RALGAPA2: variants seen among roughly 807,000 people sequenced by gnomAD.
RALGAPA2 encodes Ral GTPase activating protein catalytic subunit alpha 2.
A neutral mutation model predicts 230.4 loss-of-function variants in RALGAPA2; 139 were observed. The ratio of observed to expected loss-of-function variants is 0.60; its 90% CI spans 0.53 to 0.69. The LOEUF (loss-of-function observed/expected upper bound fraction) is 0.69, where lower values mean the gene tolerates loss of function less well. Ranked by LOEUF, RALGAPA2 falls within the 30% of genes least tolerant of loss-of-function variation. The pLI is 0.00. For missense variants in RALGAPA2, 2,163 were observed against 2,276.0 expected, an observed-to-expected ratio of 0.95 and a Z score of 1.01; for synonymous variants, 847 against 837.8, an observed-to-expected ratio of 1.01 and a Z score of -0.19.
At position 20,629,523 on chromosome 20, in the gene RALGAPA2, T is replaced by A. The variant is rs761272247; in HGVS notation, c.1073A>T (p.Asp358Val). The A allele has an allele frequency of 6.2e-7, 1 of 1,613,964 alleles. No homozygotes were observed. Among genetic ancestry groups the A allele is most frequent in the South Asian group, 1.1e-5 (1 of 91,078 alleles). The change falls in exon 10 of 40, where the codon GAC becomes GTC. Residue 358 changes from aspartate to valine, a missense_variant. Transcript: ENST00000202677. ...ELDGGGPTEQ[D>V]KSHSNSSTLS... is the part of the protein sequence containing the mutation. Reference sequence around the variant, plus strand: ...GGTGCTGCTGTTAGAATGGCTTTTGTCCTGCTCCGTGGGCCCACCACCATC... The same window carrying A: ...GGTGCTGCTGTTAGAATGGCTTTTGACCTGCTCCGTGGGCCCACCACCATC...
At chr20:20,600,862 G>C (rs1394042693) in intron 16 of RALGAPA2, among the ~76,000 whole-genome samples, 3 of 152,222 alleles carry the variant, frequency 2.0e-5, no homozygotes, top group Non-Finnish European at 4.4e-5. Context: ...AGCATTTTGG[G>C]AGGCCGAGGC....
chr20:20,559,101 T>A (rs2064176343), intron 23 of RALGAPA2, among the ~76,000 whole-genome samples: 1 of 152,248 alleles, frequency 6.6e-6, no homozygotes, highest in Non-Finnish European at 1.5e-5. Flanking sequence ...TCCATTCTTT[T>A]CATTCTAAGA....
chr20:20,424,334 G>A lies in RALGAPA2; in HGVS notation c.5496-12186C>T, dbSNP rs374679128. Among the ~76,000 whole-genome samples, 147 of 152,224 alleles carry A rather than the reference G, an allele frequency of 9.7e-4. 5 individuals are homozygous for A. The South Asian group carries it at 0.029, about 30-fold the overall frequency. On this transcript the variant is annotated intron_variant, in intron 37 of 39. Transcript: ENST00000202677. ...AAAAATGTAAGTGACAAGAAAATTC[G>A]TCATTCAGCCTATTTCAAGTCTAGA...
chr20:20,407,941 A>G (rs1156829823), intron 38 of RALGAPA2, among the ~76,000 whole-genome samples: 1 of 152,220 alleles, frequency 6.6e-6, no homozygotes, highest in Non-Finnish European at 1.5e-5. Context: ...GATGAAGCAT[A>G]GTGAGGAATT....
intron 24 of RALGAPA2, among the ~76,000 whole-genome samples, chr20:20,543,959 A>C (rs929366541): frequency 3.3e-5 from 5 of 151,870 alleles, no homozygotes; most frequent in East Asian, 1.9e-4. Flanking sequence ...AAACAAACAA[A>C]CAACCCCATA....
chr20:20,619,280 C>A lies in RALGAPA2; in HGVS notation c.1536G>T (p.Leu512Phe). ...TNVKAGVQAL[L>F]QVFLTNSANI... ...CATGTCCTGGCCAGCCACATACCTGCAACAAAGCCTGGACGCCGGCTTTCA... is the reference window on the plus strand; with the variant it reads ...CATGTCCTGGCCAGCCACATACCTGAAACAAAGCCTGGACGCCGGCTTTCA... Residue 512 changes from leucine (L) to phenylalanine (F), a missense_variant, in exon 12 of 40, where the codon TTG becomes TTT. Leu to Phe is a conservative substitution (Grantham distance 22). Coordinates refer to ENST00000202677, the MANE Select transcript of RALGAPA2 (RefSeq NM_020343.4). 1 of 1,598,188 alleles carries A rather than the reference C, an allele frequency of 6.3e-7. No individual in the cohort carries two copies. Among genetic ancestry groups the A allele is most frequent in the Non-Finnish European group, 8.5e-7 (1 of 1,170,232 alleles).
intron 35 of RALGAPA2, among the ~76,000 whole-genome samples, chr20:20,496,828 T>G (rs2062219095): frequency 6.6e-6 from 1 of 152,240 alleles, no homozygotes; most frequent in South Asian, 2.1e-4. Flanking sequence ...AATGCCTGTT[T>G]ATTCTTCACT....
chr20:20,652,431 G>A lies in RALGAPA2; in HGVS notation c.328+1099C>T, dbSNP rs188934663. On this transcript the variant is annotated intron_variant, in intron 4 of 39. Transcript: ENST00000202677. ...CTTCTTTCATAGAGACAATTTTGCTGTAATTATTTTTCTCATCTATCCCCT... is the reference window on the plus strand; with the variant it reads ...CTTCTTTCATAGAGACAATTTTGCTATAATTATTTTTCTCATCTATCCCCT... Among the ~76,000 whole-genome samples the A allele has an allele frequency of 2.1e-3, 324 of 152,116 alleles. 2 individuals carry two copies. The highest frequency in any genetic ancestry group is 3.3e-3 in the Non-Finnish European group (224 of 68,028).
intron 9 of RALGAPA2, among the ~76,000 whole-genome samples, chr20:20,630,141 A>C (rs2066623120): frequency 6.6e-6 from 1 of 152,216 alleles, no homozygotes; most frequent in South Asian, 2.1e-4. Flanking sequence ...AACATAAATA[A>C]ATATTCACAA....
intron 15 of RALGAPA2, 24 bp from the exon 16 acceptor site, chr20:20,601,870 T>C (rs1568634218): frequency 1.9e-6 from 3 of 1,564,046 alleles, no homozygotes; most frequent in African/African-American, 2.7e-5. Flanking sequence ...AGAAAAATAA[T>C]CTAAAGGCTG....
At chr20:20,588,364 C>T (rs192603644) in intron 18 of RALGAPA2, among the ~76,000 whole-genome samples, 74 of 152,196 alleles carry the variant, frequency 4.9e-4, no homozygotes, top group African/African-American at 1.5e-3. Flanking sequence ...AACAAAGCAA[C>T]AATACTTTAT....
chr20:20,620,475 A>C lies in RALGAPA2; in HGVS notation c.1389T>G (p.Thr463=). The C allele has an allele frequency of 6.2e-7, 1 of 1,613,344 alleles. No individual in the cohort carries two copies. The highest frequency in any genetic ancestry group is 8.5e-7 in the Non-Finnish European group (1 of 1,179,692). The change falls in exon 11 of 40, where the codon ACT becomes ACG. Residue 463 remains threonine, a synonymous_variant. Coordinates refer to ENST00000202677, the MANE Select transcript of RALGAPA2 (RefSeq NM_020343.4). ...TGAAAAAAATTACCTCCTTGCTATC[A>C]GTCTCGGAAAATCCTAATTTTTCAG... ...EDAEKLGFSE[T]DSKEASSESS... is the part of the protein sequence containing the mutation.
intron 36 of RALGAPA2, among the ~76,000 whole-genome samples, chr20:20,475,797 G>C (rs1361018124): frequency 6.6e-6 from 1 of 152,018 alleles, no homozygotes; most frequent in Non-Finnish European, 1.5e-5. Context: ...GGAACATAAA[G>C]GTTAGAAAGA....
intron 31 of RALGAPA2, among the ~76,000 whole-genome samples, chr20:20,520,402 C>T (rs371565872): frequency 5.3e-4 from 80 of 152,304 alleles, no homozygotes; most frequent in African/African-American, 1.8e-3. Flanking sequence ...CTGACAATCC[C>T]TATATGCTCT....
intron 37 of RALGAPA2, among the ~76,000 whole-genome samples, chr20:20,466,102 C>T (rs566595139): frequency 6.6e-6 from 1 of 152,318 alleles, no homozygotes; most frequent in South Asian, 2.1e-4. Context: ...GGCACCAGGC[C>T]TCAGCACTGG....
rs767720640 is a variant in RALGAPA2, at chr20:20,512,743, T to C, written c.4626A>G (p.Leu1542=). 6.2e-7 allele frequency: 1 copy of C among 1,613,944 alleles called. No homozygotes were observed. The highest frequency in any genetic ancestry group is 1.1e-5 in the South Asian group (1 of 91,082). Reference sequence around the variant, plus strand: ...CACATGGGGTTAGGGAAGGTTCATTTAGATTTAGCTGTGACGGTAAAAGGC... The same window carrying C: ...CACATGGGGTTAGGGAAGGTTCATTCAGATTTAGCTGTGACGGTAAAAGGC... The part of the protein sequence containing the change: ...PECLLPSQLN[L]NEPSLTPCGM... Residue 1542 remains leucine (L), a synonymous_variant, in exon 32 of 40, where the codon CTA becomes CTG. Transcript: ENST00000202677.
intron 1 of RALGAPA2, among the ~76,000 whole-genome samples, chr20:20,697,124 A>AAAG (rs2069144772): frequency 6.6e-6 from 1 of 152,188 alleles, no homozygotes; most frequent in Non-Finnish European, 1.5e-5. Flanking sequence ...CAGTCACTAT[A>AAAG]TGTGGAATGA....
At chr20:20,577,760 AG>A (rs1261558690) in intron 20 of RALGAPA2, among the ~76,000 whole-genome samples, 1 of 152,136 alleles carries the variant, frequency 6.6e-6, no homozygotes. Flanking sequence ...TTTCTCATAA[AG>A]GATGTCATGG....
Position 20,515,004 on chromosome 20 carries a change from G to A in RALGAPA2, c.4085-1720C>T, listed in dbSNP as rs2145382739. 1.3e-5 allele frequency among the ~76,000 whole-genome samples: 2 copies of A among 152,316 alleles called. 1 individual carries two copies. On this transcript the variant is annotated intron_variant, in intron 31 of 39. Transcript: ENST00000202677. ...GGATTCTCCCTCAGCACTGCTACTT[G>A]TGCCCAACACCAGGGGAGCTGTAAA...
Sources: allele counts gnomAD v4.1 joint callset (sites outside exome capture counted in the v4.1 genomes callset), GRCh38; gene constraint gnomAD v4.1.1; transcripts MANE v1.5; gene names NCBI Gene and HGNC (gene_info 2026-07-23, HGNC 2026-07-21).